Variants in ADAMTS12 observed in about 807,000 individuals in gnomAD.
ADAMTS12 encodes the protein A disintegrin and metalloproteinase with thrombospondin motifs 12.
In ADAMTS12, 118 loss-of-function variants were observed where a neutral mutation model predicts 167.8. The ratio of observed to expected loss-of-function variants is 0.70; its 90% CI spans 0.61 to 0.82. The LOEUF (loss-of-function observed/expected upper bound fraction) is 0.82. ADAMTS12 is among the 40% of genes least tolerant of loss of function. The probability of loss-of-function intolerance (pLI) is 0.00; values close to 1 mark genes in which losing one functional copy is unlikely to be tolerated. For synonymous variants in ADAMTS12, 704 were observed against 716.9 expected (o/e 0.98, Z 0.29); for missense variants, 1,916 against 1,998.8 (o/e 0.96, Z 0.79).
In ADAMTS12 at chr5:33,618,225, A is replaced by G. The variant is rs147376115; in HGVS notation, c.2144-2153T>C. Among the ~76,000 whole-genome samples, 723 of 152,346 alleles carry G rather than the reference A, an allele frequency of 4.7e-3. 5 individuals are homozygous for G. Among genetic ancestry groups the G allele is most frequent in the Non-Finnish European group, 6.9e-3 (470 of 68,026 alleles). ...ATTCATTAAGCAGAAGTGGATCCTC[A>G]TAAAGACCTTCATCCTTGTTGTCTT... On this transcript the variant is annotated intron_variant, in intron 14 of 23. Coordinates refer to ENST00000504830, the MANE Select transcript of ADAMTS12 (RefSeq NM_030955.4).
chr5:33,533,045 G>T (rs1744193546), intron 23 of ADAMTS12, among the ~76,000 whole-genome samples: 1 of 152,174 alleles, frequency 6.6e-6, no homozygotes, highest in African/African-American at 2.4e-5. Flanking sequence ...AATTGTCAGT[G>T]AGTGGAATTC....
chr5:33,793,516 C>T (rs1266793482), intron 2 of ADAMTS12, among the ~76,000 whole-genome samples: 3 of 152,010 alleles, frequency 2.0e-5, no homozygotes, highest in Non-Finnish European at 2.9e-5. Context: ...CTATAAATAT[C>T]GACATAAATG....
chr5:33,596,110 G>A, intron 16 of ADAMTS12, 50 bp from the exon 17 acceptor site: 1 of 1,605,844 alleles, frequency 6.2e-7, no homozygotes, highest in Non-Finnish European at 8.5e-7. Flanking sequence ...GAGCCCACAT[G>A]CTCATGGTCA....
At chr5:33,849,510 A>AAT (rs200509553) in intron 2 of ADAMTS12, among the ~76,000 whole-genome samples, 1 of 133,836 alleles carries the variant, frequency 7.5e-6, no homozygotes, top group African/African-American at 3.5e-5. Context: ...ATTGCATAGC[A>AAT]ATATATATAT....
At chr5:33,742,330 TAAAAAA>T (rs3037104) in intron 3 of ADAMTS12, among the ~76,000 whole-genome samples, 3 of 134,756 alleles carry the variant, frequency 2.2e-5, no homozygotes, top group African/African-American at 2.8e-5. Context: ...TCCTTCCCCG[TAAAAAA>T]AAAAAAAAAA....
chr5:33,657,478 T>A (rs1379996277), intron 7 of ADAMTS12, among the ~76,000 whole-genome samples: 1 of 152,216 alleles, frequency 6.6e-6, no homozygotes, highest in African/African-American at 2.4e-5. Context: ...ACAAATAAGC[T>A]AAGAACTTTC....
chr5:33,826,558 G>C, intron 2 of ADAMTS12, among the ~76,000 whole-genome samples: 1 of 136,754 alleles, frequency 7.3e-6, no homozygotes. Flanking sequence ...ACAGAAATAT[G>C]TTTATGTATG....
At chr5:33,587,040 T>A (rs1747390369) in intron 18 of ADAMTS12, among the ~76,000 whole-genome samples, 1 of 152,058 alleles carries the variant, frequency 6.6e-6, no homozygotes, top group Non-Finnish European at 1.5e-5. Flanking sequence ...TATTTTCTGT[T>A]TCTTTTTTTT....
intron 19 of ADAMTS12, among the ~76,000 whole-genome samples, chr5:33,572,128 T>C (rs891752805): frequency 1.3e-5 from 2 of 151,266 alleles, no homozygotes; most frequent in Non-Finnish European, 2.9e-5. Flanking sequence ...CCAAAAAGAG[T>C]CCAGGACCAG....
At chr5:33,843,656 G>A (rs140906096) in intron 2 of ADAMTS12, among the ~76,000 whole-genome samples, 25 of 152,302 alleles carry the variant, frequency 1.6e-4, no homozygotes, top group African/African-American at 5.3e-4. Context: ...GGAAGCGAAG[G>A]TACGGTAGTC....
chr5:33,535,697 A>G (rs2277039), intron 22 of ADAMTS12, among the ~76,000 whole-genome samples: 12,326 of 152,204 alleles, frequency 0.081, 631 homozygotes, highest in Non-Finnish European at 0.11. Flanking sequence ...GCAGAATACA[A>G]TTTCATATCT....
chr5:33,632,410 A>C (rs1465605225), intron 12 of ADAMTS12, among the ~76,000 whole-genome samples: 20 of 152,100 alleles, frequency 1.3e-4, no homozygotes, highest in Non-Finnish European at 2.9e-5. Flanking sequence ...CAAACAAACA[A>C]ACAAAAAAGC....
chr5:33,876,232 T>TA (rs1450908347), intron 2 of ADAMTS12, among the ~76,000 whole-genome samples: 1 of 152,180 alleles, frequency 6.6e-6, no homozygotes, highest in Non-Finnish European at 1.5e-5. Context: ...CCCAAACTAA[T>TA]ATATAGATGT....
At chr5:33,741,225 C>T (rs1488071216) in intron 3 of ADAMTS12, among the ~76,000 whole-genome samples, 1 of 152,196 alleles carries the variant, frequency 6.6e-6, no homozygotes, top group Non-Finnish European at 1.5e-5. Flanking sequence ...CAAAGTGCCA[C>T]AGACTGGCGG....
chr5:33,882,169 C>G (rs1357338434), intron 1 of ADAMTS12, among the ~76,000 whole-genome samples: 1 of 152,056 alleles, frequency 6.6e-6, no homozygotes, highest in Non-Finnish European at 1.5e-5. Context: ...TTCAACACAT[C>G]AAGAACTTCC....
intron 2 of ADAMTS12, among the ~76,000 whole-genome samples, chr5:33,849,881 A>G (rs1310702859): frequency 6.6e-6 from 1 of 151,712 alleles, no homozygotes; most frequent in Non-Finnish European, 1.5e-5. Context: ...TATGTATTGC[A>G]TAGCATATTA....
intron 19 of ADAMTS12, among the ~76,000 whole-genome samples, chr5:33,570,765 A>G (rs1429985479): frequency 4.6e-5 from 7 of 150,652 alleles, no homozygotes; most frequent in Non-Finnish European, 8.9e-5. Flanking sequence ...TTAAATGTAA[A>G]TGGACTAAAT....
intron 3 of ADAMTS12, among the ~76,000 whole-genome samples, chr5:33,737,137 A>C (rs1744401529): frequency 6.6e-6 from 1 of 152,234 alleles, no homozygotes; most frequent in Admixed American, 6.5e-5. Context: ...TCAGAATCTA[A>C]TGGCCCTTGT....
chr5:33,535,961 T>G (rs1013148367), intron 22 of ADAMTS12, among the ~76,000 whole-genome samples: 1 of 152,116 alleles, frequency 6.6e-6, no homozygotes, highest in East Asian at 1.9e-4. Context: ...TCTAATGATA[T>G]GGTTCCACTG....
Sources: gnomAD v4.1 joint callset for allele counts (sites outside exome capture counted in the v4.1 genomes callset) on GRCh38, gnomAD v4.1.1 for gene constraint, MANE v1.5 for transcripts, NCBI Gene and HGNC (gene_info 2026-07-23, HGNC 2026-07-21) for gene names.